PCLO: variants seen among roughly 807,000 people sequenced by gnomAD.
The protein encoded by PCLO is piccolo presynaptic cytomatrix protein, also known as protein piccolo.
A neutral mutation model predicts 427.5 loss-of-function variants in PCLO; 82 were observed. The observed-to-expected ratio is 0.19, with a 90% CI of 0.16 to 0.23. PCLO has a LOEUF of 0.23. Ranked by LOEUF, PCLO falls within the 10% of genes least tolerant of loss-of-function variation. PCLO has a pLI of 1.00. For missense variants in PCLO, 6,239 were observed against 6,115.9 expected (o/e 1.02, Z -0.67); for synonymous variants, 2,357 against 2,155.4 (o/e 1.09, Z -2.59).
chr7:83,143,642 C>CAAA (rs36020139), intron 2 of PCLO, among the ~76,000 whole-genome samples: 4 of 103,302 alleles, frequency 3.9e-5, no homozygotes, highest in Non-Finnish European at 6.4e-5. Context: ...CAGGATTGCC[C>CAAA]AAAAAAAAAA....
intron 6 of PCLO, among the ~76,000 whole-genome samples, chr7:82,923,135 A>C (rs1794636409): frequency 2.0e-5 from 3 of 152,066 alleles, no homozygotes; most frequent in South Asian, 4.1e-4. Context: ...AATTATGTAT[A>C]TGTATTGGGA....
At chr7:82,861,669 C>G (rs12707528) in intron 10 of PCLO, among the ~76,000 whole-genome samples, 2 of 151,834 alleles carry the variant, frequency 1.3e-5, no homozygotes, top group Non-Finnish European at 2.9e-5. Context: ...CCAAGAGCTG[C>G]GGAATACACA....
intron 3 of PCLO, among the ~76,000 whole-genome samples, chr7:83,025,014 C>T (rs1324301476): frequency 6.6e-6 from 1 of 152,124 alleles, no homozygotes. Flanking sequence ...AAAAACAGAA[C>T]AGAAAAACTG....
intron 3 of PCLO, among the ~76,000 whole-genome samples, chr7:83,092,394 G>GA (rs149017834): frequency 0.44 from 66,554 of 151,518 alleles, 14,975 homozygotes; most frequent in East Asian, 0.7. Flanking sequence ...CCATGGACCC[G>GA]GCACAAATAT....
chr7:82,763,447 T>C (rs186107697), intron 22 of PCLO, among the ~76,000 whole-genome samples: 1 of 152,144 alleles, frequency 6.6e-6, no homozygotes, highest in African/African-American at 2.4e-5. Flanking sequence ...TAGAGTATAG[T>C]TGAGTAATTT....
At chr7:83,034,903 G>A (rs1788757669) in intron 3 of PCLO, among the ~76,000 whole-genome samples, 2 of 152,196 alleles carry the variant, frequency 1.3e-5, no homozygotes, top group African/African-American at 4.8e-5. Context: ...TACGCTTGGT[G>A]ATAGTTTTAC....
chr7:82,838,370 A>C, intron 14 of PCLO, 28 bp from the exon 15 acceptor site: 1 of 1,319,082 alleles, frequency 7.6e-7, no homozygotes, highest in Non-Finnish European at 1.0e-6. Flanking sequence ...ATATTCCATA[A>C]GTTTTTAAAA....
intron 22 of PCLO, among the ~76,000 whole-genome samples, chr7:82,764,905 A>G (rs1434417625): frequency 1.3e-5 from 2 of 151,886 alleles, no homozygotes; most frequent in African/African-American, 4.8e-5. Flanking sequence ...ATATTGAGAC[A>G]CTATAATCAA....
intron 10 of PCLO, among the ~76,000 whole-genome samples, chr7:82,864,696 TCA>T: frequency 6.6e-6 from 1 of 152,170 alleles, no homozygotes; most frequent in East Asian, 1.9e-4. Flanking sequence ...TTTAATTTAT[TCA>T]GTTATGTAAT....
chr7:82,838,287 T>G lies in PCLO; in HGVS notation c.14153A>C (p.Asn4718Thr). The G allele has an allele frequency of 6.4e-7, 1 of 1,572,308 alleles. No individual in the cohort carries two copies. Among genetic ancestry groups the G allele is most frequent in the South Asian group, 1.1e-5 (1 of 87,734 alleles). ...ACCATTGTTGTCTCGAGGAACAAGA[T>G]TTCTTGCTTGGAGAATATGTATTAT... ...NLIIHILQAR[N>T]LVPRDNNGYS... Residue 4718 changes from asparagine to threonine, a missense_variant, in exon 15 of 25, where the codon AAT (asparagine) becomes ACT (threonine). By Grantham distance (65) the Asn-to-Thr change is moderately conservative. Coordinates refer to ENST00000333891, the MANE Select transcript of PCLO (RefSeq NM_033026.6).
intron 9 of PCLO, among the ~76,000 whole-genome samples, chr7:82,887,481 A>C (rs1175647981): frequency 6.6e-6 from 1 of 152,012 alleles, no homozygotes; most frequent in Non-Finnish European, 1.5e-5. Flanking sequence ...GAATGTCTTC[A>C]CTCTCATGGA....
intron 6 of PCLO, among the ~76,000 whole-genome samples, chr7:82,928,451 C>T (rs1794765173): frequency 6.6e-6 from 1 of 152,266 alleles, no homozygotes; most frequent in Non-Finnish European, 1.5e-5. Flanking sequence ...GTTAAGAGTG[C>T]AGTGGCATGA....
At chr7:82,782,384 C>T (rs1294977646) in intron 22 of PCLO, among the ~76,000 whole-genome samples, 1 of 152,130 alleles carries the variant, frequency 6.6e-6, no homozygotes, top group Non-Finnish European at 1.5e-5. Flanking sequence ...ATCTTCTATA[C>T]ATAAATGCTC....
intron 6 of PCLO, among the ~76,000 whole-genome samples, chr7:82,935,496 TTCAC>T (rs1325902571): frequency 2.0e-5 from 3 of 151,496 alleles, no homozygotes; most frequent in Non-Finnish European, 4.4e-5. Context: ...TATGTTGCTT[TTCAC>T]TCGGCAAAAA....
chr7:82,949,295 GCA>G (rs1157287937), intron 6 of PCLO, among the ~76,000 whole-genome samples, 179 bp downstream of exon 6: 2 of 150,960 alleles, frequency 1.3e-5, no homozygotes, highest in South Asian at 2.1e-4. Context: ...ACACACGTGT[GCA>G]CACACACACG....
chr7:82,800,986 CATTTGGTAATAAT>C (rs1791336012), intron 22 of PCLO, among the ~76,000 whole-genome samples: 1 of 151,666 alleles, frequency 6.6e-6, no homozygotes, highest in African/African-American at 2.4e-5. Flanking sequence ...GGATTTTTCA[CATTTGGTAATAAT>C]TTATTATTTG....
chr7:82,792,476 C>A (rs1426164325), intron 22 of PCLO, among the ~76,000 whole-genome samples: 1 of 151,680 alleles, frequency 6.6e-6, no homozygotes, highest in African/African-American at 2.4e-5. Context: ...ACAGGCATGG[C>A]GCCACCACAC....
chr7:82,841,034 T>C (rs192894022), intron 14 of PCLO, among the ~76,000 whole-genome samples: 4 of 151,980 alleles, frequency 2.6e-5, no homozygotes, highest in Non-Finnish European at 4.4e-5. Context: ...CAGTTATGAC[T>C]TATGCTATGA....
intron 3 of PCLO, among the ~76,000 whole-genome samples, chr7:83,133,604 C>T (rs1454332520): frequency 6.6e-6 from 1 of 151,848 alleles, no homozygotes; most frequent in African/African-American, 2.4e-5. Flanking sequence ...TCTTTCTTTC[C>T]ACAGCTCCTA....
Sources: allele counts gnomAD v4.1 joint callset (sites outside exome capture counted in the v4.1 genomes callset), GRCh38; gene constraint gnomAD v4.1.1; transcripts MANE v1.5; gene names NCBI Gene and HGNC (gene_info 2026-07-23, HGNC 2026-07-21).